Variants in CDH13 observed in about 807,000 individuals in gnomAD.
CDH13 encodes the protein cadherin-13.
A neutral mutation model predicts 63.8 loss-of-function variants in CDH13; 24 were observed. The ratio of observed to expected loss-of-function variants is 0.38; its 90% confidence interval spans 0.27 to 0.53. CDH13 has a LOEUF of 0.53. Among genes scored for constraint, CDH13 ranks in the 20% least tolerant of loss-of-function variants. The pLI is 0.85. For missense variants in CDH13, 1,049 were observed against 903.1 expected, an observed-to-expected ratio of 1.16 and a Z score of -2.07; for synonymous variants, 503 against 355.3, an observed-to-expected ratio of 1.42 and a Z score of -4.67.
chr16:83,700,120 G>T (rs747193267), intron 10 of CDH13, among the ~76,000 whole-genome samples: 2 of 152,082 alleles, frequency 1.3e-5, no homozygotes, highest in Non-Finnish European at 2.9e-5. Flanking sequence ...CCACTGATCT[G>T]CCTTCTGTCA....
intron 5 of CDH13, among the ~76,000 whole-genome samples, chr16:83,315,875 T>C (rs1003552559): frequency 1.4e-4 from 21 of 152,330 alleles, no homozygotes; most frequent in African/African-American, 4.8e-4. Context: ...TCTAGTGTTA[T>C]AGGGAGGTTA....
At position 83,797,664 on chromosome 16, in the gene CDH13, A is replaced by T. The variant is rs1904288849; in HGVS notation, c.*2634A>T. ...AGTAGAATCAAAATGTTATTTCATT[A>T]TTACCTATGCATTTTATCTGAGTCC... is the stretch of plus-strand genomic sequence containing the variant. On this transcript the variant is annotated 3_prime_UTR_variant, in exon 14 of 14. Coordinates refer to ENST00000567109, the MANE Select transcript of CDH13 (RefSeq NM_001257.5). 6.6e-6 allele frequency: 1 copy of T among 152,216 alleles called. No homozygotes were observed. The highest frequency in any genetic ancestry group is 2.4e-5 in the African/African-American group (1 of 41,450). 9.4% of individuals were successfully genotyped at this position (152,216 alleles called of 1,614,324 possible). A position where few individuals can be genotyped will look rare whatever the true frequency, so the allele number is the denominator to read the frequency against.
chr16:83,017,492 C>G lies in CDH13; in HGVS notation c.158-14518C>G, dbSNP rs140657231. Among the ~76,000 whole-genome samples, 572 of 152,320 alleles carry G rather than the reference C, an allele frequency of 3.8e-3. 4 individuals are homozygous for G. The highest frequency in any genetic ancestry group is 0.013 in the African/African-American group (548 of 41,566). ...ATATTAGTTGTAAAAAGCAATCCAG[C>G]TTTCCTACTTACAGATGTGTGACCT... On this transcript the variant is annotated intron_variant, in intron 2 of 13. Transcript: ENST00000567109.
chr16:83,487,778 A>T, intron 7 of CDH13, among the ~76,000 whole-genome samples: 1 of 152,042 alleles, frequency 6.6e-6, no homozygotes, highest in African/African-American at 2.4e-5. Flanking sequence ...GGCTCTGTGC[A>T]TTTCCCCCTC....
At position 82,677,446 on chromosome 16, in the gene CDH13, C is replaced by CTTTTTT. The variant is rs3041877; in HGVS notation, c.45+50321_45+50326dup. On this transcript the variant is annotated intron_variant, in intron 1 of 13. Coordinates refer to ENST00000567109, the MANE Select transcript of CDH13 (RefSeq NM_001257.5). The stretch of plus-strand genomic sequence containing the variant: ...TATACAAAGGAAAGGACTCTTCTGC[C>CTTTTTT]TTTTTTTTTTTTTTTTTGGTTTTTA... Among the ~76,000 whole-genome samples the CTTTTTT allele has an allele frequency of 7.3e-3, 947 of 130,482 alleles. 6 individuals carry two copies. Among genetic ancestry groups the CTTTTTT allele is most frequent in the East Asian group, 0.034 (144 of 4,178 alleles). 85.6% of individuals were successfully genotyped at this position (130,482 alleles called of 152,430 possible).
At chr16:83,763,640 C>T (rs1399582087) in intron 11 of CDH13, among the ~76,000 whole-genome samples, 1 of 152,074 alleles carries the variant, frequency 6.6e-6, no homozygotes, top group African/African-American at 2.4e-5. Context: ...AAAATGAAGC[C>T]ATTAGTTATG....
intron 5 of CDH13, among the ~76,000 whole-genome samples, chr16:83,341,344 A>C (rs2090717898): frequency 6.6e-6 from 1 of 152,226 alleles, no homozygotes. Flanking sequence ...GACTTCAGAA[A>C]GTTTGGCATT....
intron 2 of CDH13, among the ~76,000 whole-genome samples, chr16:83,009,060 A>T (rs1379151703): frequency 6.6e-6 from 1 of 152,204 alleles, no homozygotes; most frequent in Non-Finnish European, 1.5e-5. Context: ...CCATTATTCA[A>T]TTCCACCCCC....
intron 10 of CDH13, among the ~76,000 whole-genome samples, chr16:83,731,049 T>G (rs1910990009): frequency 6.6e-6 from 1 of 152,252 alleles, no homozygotes; most frequent in African/African-American, 2.4e-5. Flanking sequence ...TGCATTTTCT[T>G]TATCCATTCC....
intron 1 of CDH13, chr16:82,705,280 A>C (rs1357882545): frequency 2.5e-6 from 1 of 395,866 alleles, no homozygotes; most frequent in African/African-American, 2.1e-5. Context: ...GACAGGTGAG[A>C]TGTCCAATAT....
At chr16:83,459,053 C>G (rs550574595) in intron 6 of CDH13, among the ~76,000 whole-genome samples, 145 of 152,338 alleles carry the variant, frequency 9.5e-4, no homozygotes, top group Non-Finnish European at 1.6e-3. Context: ...TCCTCTATGA[C>G]TAATCTAAGA....
chr16:83,754,468 G>C (rs1416880932), intron 11 of CDH13, among the ~76,000 whole-genome samples: 2 of 152,142 alleles, frequency 1.3e-5, no homozygotes, highest in Non-Finnish European at 2.9e-5. Flanking sequence ...AGTTGATGAA[G>C]CAAGGCTCCA....
intron 2 of CDH13, among the ~76,000 whole-genome samples, chr16:83,022,527 C>G (rs1017542488): frequency 6.6e-6 from 1 of 152,104 alleles, no homozygotes; most frequent in Admixed American, 6.6e-5. Context: ...CCACAGAAAT[C>G]GGCAGATGCT....
At chr16:83,470,563 A>G (rs554876368) in intron 6 of CDH13, among the ~76,000 whole-genome samples, 11 of 152,260 alleles carry the variant, frequency 7.2e-5, no homozygotes, top group African/African-American at 2.4e-4. Context: ...AGGATGATTC[A>G]TTGCCTCAAA....
intron 1 of CDH13, among the ~76,000 whole-genome samples, chr16:82,673,266 C>G (rs76417117): frequency 0.013 from 2,046 of 152,210 alleles, 53 homozygotes; most frequent in African/African-American, 0.047. Context: ...AGCCGTGTGT[C>G]TCTTTCCTCT....
At chr16:82,921,793 T>A (rs2042163392) in intron 2 of CDH13, among the ~76,000 whole-genome samples, 2 of 152,188 alleles carry the variant, frequency 1.3e-5, no homozygotes, top group Non-Finnish European at 2.9e-5. Context: ...TCTCCTCCTA[T>A]ATTTTTTGGG....
intron 7 of CDH13, among the ~76,000 whole-genome samples, chr16:83,519,889 A>G (rs1189431358): frequency 1.3e-5 from 2 of 152,148 alleles, no homozygotes; most frequent in East Asian, 1.9e-4. Flanking sequence ...AGAGTCGCAG[A>G]TGATCAGAAA....
At chr16:83,111,151 G>C (rs11641346) in intron 3 of CDH13, among the ~76,000 whole-genome samples, 2 of 151,258 alleles carry the variant, frequency 1.3e-5, no homozygotes, top group Non-Finnish European at 2.9e-5. Flanking sequence ...CAGCCTGGGC[G>C]ACAGAGCGGG....
At chr16:83,161,828 A>G (rs1188446475) in intron 4 of CDH13, among the ~76,000 whole-genome samples, 2 of 152,246 alleles carry the variant, frequency 1.3e-5, no homozygotes, top group East Asian at 3.8e-4. Flanking sequence ...TGAGAGTTTC[A>G]GAAGCCTGAG....
Sources: gnomAD v4.1 joint callset for allele counts (sites outside exome capture counted in the v4.1 genomes callset) on GRCh38, gnomAD v4.1.1 for gene constraint, MANE v1.5 for transcripts, NCBI Gene and HGNC (gene_info 2026-07-23, HGNC 2026-07-21) for gene names.